Variants in PRIMPOL observed in about 807,000 individuals in gnomAD.
The protein encoded by PRIMPOL is DNA-directed primase/polymerase protein.
In PRIMPOL, 54 loss-of-function variants were observed where a neutral mutation model predicts 63.6. The observed-to-expected ratio is 0.85, with a 90% CI of 0.68 to 1.07. The LOEUF (loss-of-function observed/expected upper bound fraction) is 1.07. Ranked by LOEUF, PRIMPOL falls within the 50% of genes least tolerant of loss-of-function variation. The probability of loss-of-function intolerance (pLI) is 0.00; values close to 1 mark genes in which losing one functional copy is unlikely to be tolerated. For synonymous variants in PRIMPOL, 197 were observed against 220.2 expected, an observed-to-expected ratio of 0.89 and a Z score of 0.93; for missense variants, 610 against 648.3, an observed-to-expected ratio of 0.94 and a Z score of 0.64.
chr4:184,655,105 G>A (rs1204441431), intron 2 of PRIMPOL, among the ~76,000 whole-genome samples: 1 of 151,888 alleles, frequency 6.6e-6, no homozygotes, highest in Non-Finnish European at 1.5e-5. Flanking sequence ...TGCCTCCTGG[G>A]TTCAAGCAAT....
rs1430986838 is a variant in PRIMPOL at position 184,694,809 on chromosome 4, G to A, written c.*30G>A. 1 of 1,569,620 alleles carries A rather than the reference G, an allele frequency of 6.4e-7. No homozygotes were observed. Among genetic ancestry groups the A allele is most frequent in the Non-Finnish European group, 8.7e-7 (1 of 1,145,084 alleles). On this transcript the variant is annotated 3_prime_UTR_variant, in exon 14 of 14. Transcript: ENST00000314970. ...TTCACTATGAACACTTTTGTCACCA[G>A]GCTATAATTTGCCTGATGTCTGTGA... is the stretch of plus-strand genomic sequence containing the variant.
intron 8 of PRIMPOL, among the ~76,000 whole-genome samples, chr4:184,681,433 G>A (rs567797833): frequency 2.6e-5 from 4 of 152,102 alleles, no homozygotes; most frequent in South Asian, 2.1e-4. Flanking sequence ...TAACCCACAC[G>A]CATCCTCCCT....
At chr4:184,692,537 G>GGAAA in intron 13 of PRIMPOL, among the ~76,000 whole-genome samples, 1 of 150,294 alleles carries the variant, frequency 6.7e-6, no homozygotes, top group East Asian at 1.9e-4. Flanking sequence ...GAAGCAAAGA[G>GGAAA]GAAAGAATCT....
intron 1 of PRIMPOL, among the ~76,000 whole-genome samples, chr4:184,651,347 G>A (rs912118993): frequency 1.4e-4 from 21 of 152,058 alleles, no homozygotes; most frequent in Admixed American, 1.2e-3. Context: ...GACAGTCACA[G>A]GAGTTAAACT....
At chr4:184,669,566 GGAA>G (rs1456489099) in intron 6 of PRIMPOL, among the ~76,000 whole-genome samples, 4 of 152,230 alleles carry the variant, frequency 2.6e-5, no homozygotes, top group South Asian at 2.1e-4. Context: ...CTCTTGCTCA[GGAA>G]GAAGGAGAGA....
Position 184,657,181 on chromosome 4 carries a change from A to G in PRIMPOL, c.41A>G (p.Glu14Gly). The change falls in exon 3 of 14, where the codon GAA becomes GGA. Residue 14 changes from glutamate to glycine, a missense_variant. Physicochemically the swap from Glu to Gly is moderately conservative, Grantham distance 98. This residue lies in a region of PRIMPOL where 159 missense variants were observed against 168.9 expected (regional missense o/e 0.94). Coordinates refer to ENST00000314970, the MANE Select transcript of PRIMPOL (RefSeq NM_152683.4). ...GAAGCAAAACTGAAGCAAATTGAAG[A>G]ACGAGCATCTCATTATGAGAGGAAA... ...KWEAKLKQIE[E>G]RASHYERKPL... 9.9e-6 allele frequency: 16 copies of G among 1,611,494 alleles called. No homozygotes were observed. Among genetic ancestry groups the G allele is most frequent in the Non-Finnish European group, 1.4e-5 (16 of 1,179,098 alleles).
At chr4:184,664,259 T>C (rs2696053) in intron 5 of PRIMPOL, among the ~76,000 whole-genome samples, 152,226 of 152,378 alleles carry the variant, frequency 1, 76,038 homozygotes, top group Non-Finnish European at 1. Context: ...ATTCATCAAA[T>C]AGTTTTTAGT....
chr4:184,664,995 C>T (rs1749446863), intron 5 of PRIMPOL, among the ~76,000 whole-genome samples: 1 of 152,156 alleles, frequency 6.6e-6, no homozygotes, highest in African/African-American at 2.4e-5. Context: ...CCCAAAATAT[C>T]ATTAAAAATA....
At chr4:184,656,794 T>G (rs1304050161) in intron 2 of PRIMPOL, among the ~76,000 whole-genome samples, 1 of 152,224 alleles carries the variant, frequency 6.6e-6, no homozygotes, top group Non-Finnish European at 1.5e-5. Context: ...ACATTTATCT[T>G]CAAGCTAAGT....
intron 2 of PRIMPOL, among the ~76,000 whole-genome samples, chr4:184,656,411 T>C (rs1211894976): frequency 6.6e-6 from 1 of 152,164 alleles, no homozygotes; most frequent in Non-Finnish European, 1.5e-5. Flanking sequence ...AACCTATTCT[T>C]TTTCTTTTGT....
chr4:184,688,257 T>G (rs1324716052), intron 11 of PRIMPOL, among the ~76,000 whole-genome samples: 1 of 152,228 alleles, frequency 6.6e-6, no homozygotes, highest in African/African-American at 2.4e-5. Context: ...CCCAAATGGG[T>G]GTGCCAGTTT....
rs758909238 is a variant in PRIMPOL at position 184,672,291 on chromosome 4, A to G, written c.675A>G (p.Arg225=). ...CCCATTTTTCAGAAGCACCTGCAAG[A>G]CAAGGATTTTCTTTCAATAAAATGT... ...GFPHFSEAPA[R]QGFSFNKMFT... is the part of the protein sequence containing the mutation. Residue 225 remains arginine (R), a synonymous_variant, in exon 7 of 14, where the codon AGA becomes AGG. Transcript: ENST00000314970. 5.0e-6 allele frequency: 8 copies of G among 1,614,054 alleles called. No homozygotes were observed. Among genetic ancestry groups the G allele is most frequent in the African/African-American group, 1.3e-5 (1 of 74,946 alleles).
At position 184,677,354 on chromosome 4, in the gene PRIMPOL, C is replaced by T. The variant is rs902284553; in HGVS notation, c.845-878C>T. 8.5e-5 allele frequency among the ~76,000 whole-genome samples: 13 copies of T among 152,086 alleles called. No homozygotes were observed. In the East Asian group the frequency reaches 1.2e-3, roughly 14 times the overall value. On this transcript the variant is annotated intron_variant, in intron 7 of 13. Coordinates refer to ENST00000314970, the MANE Select transcript of PRIMPOL (RefSeq NM_152683.4). Reference sequence around the variant, plus strand: ...ATTCACTTTTTCGTATGTGGATATCCGGTTGGCTCAGCACTGTTTGTTGAA... The same window carrying T: ...ATTCACTTTTTCGTATGTGGATATCTGGTTGGCTCAGCACTGTTTGTTGAA...
chr4:184,691,282 G>T (rs113488488), intron 11 of PRIMPOL: 7 of 468,276 alleles, frequency 1.5e-5, no homozygotes, highest in African/African-American at 8.0e-5. Context: ...CTTCCTGGGG[G>T]AACTTTCATC....
rs114963186 is a variant in PRIMPOL, at chr4:184,664,070, A to G, written c.409-1847A>G. Among the ~76,000 whole-genome samples, 441 of 152,354 alleles carry G rather than the reference A, an allele frequency of 2.9e-3. 3 individuals carry two copies. The highest frequency in any genetic ancestry group is 0.01 in the African/African-American group (418 of 41,586). On this transcript the variant is annotated intron_variant, in intron 5 of 13. Coordinates refer to ENST00000314970, the MANE Select transcript of PRIMPOL (RefSeq NM_152683.4). ...TTTATTAGGACCACATTTCAGGGCA[A>G]CATTGTCCACTCATGTAAGTTTAAC... is the stretch of plus-strand genomic sequence containing the variant.
intron 8 of PRIMPOL, among the ~76,000 whole-genome samples, chr4:184,678,921 A>G (rs527796618): frequency 1.3e-5 from 2 of 152,254 alleles, no homozygotes; most frequent in South Asian, 4.1e-4. Context: ...TTCTCTATAT[A>G]TCTTTTTAGG....
At chr4:184,653,765 GAC>G in intron 2 of PRIMPOL, among the ~76,000 whole-genome samples, 1 of 152,108 alleles carries the variant, frequency 6.6e-6, no homozygotes, top group Non-Finnish European at 1.5e-5. Flanking sequence ...GTAAAAGAAA[GAC>G]AACACTCTTT....
rs184682387 is a variant in PRIMPOL, at chr4:184,687,355, G to A, written c.1295+1671G>A. ...CAAAGTGCTGGGATTACAGGTGTGAGCCACCGCACCCAGCCGATAACACAC... is the reference window on the plus strand; with the variant it reads ...CAAAGTGCTGGGATTACAGGTGTGAACCACCGCACCCAGCCGATAACACAC... On this transcript the variant is annotated intron_variant, in intron 11 of 13. Transcript: ENST00000314970. Among the ~76,000 whole-genome samples, 1,336 of 152,116 alleles carry A rather than the reference G, an allele frequency of 8.8e-3. 19 individuals carry two copies. Among genetic ancestry groups the A allele is most frequent in the African/African-American group, 0.031 (1,284 of 41,494 alleles).
chr4:184,665,242 A>G (rs1017594397), intron 5 of PRIMPOL, among the ~76,000 whole-genome samples: 4 of 152,146 alleles, frequency 2.6e-5, no homozygotes, highest in African/African-American at 9.7e-5. Flanking sequence ...GGTAGCTGCT[A>G]TTATTATTCC....
Sources: allele counts gnomAD v4.1 joint callset (sites outside exome capture counted in the v4.1 genomes callset), GRCh38; gene constraint gnomAD v4.1.1; regional missense constraint gnomAD v4.1.1; transcripts MANE v1.5; gene names NCBI Gene and HGNC (gene_info 2026-07-23, HGNC 2026-07-21).